The following ADGRB2 variants were observed in gnomAD, a reference collection of about 807,000 sequenced individuals.
ADGRB2 encodes adhesion G protein-coupled receptor B2.
A neutral mutation model predicts 178.7 loss-of-function variants in ADGRB2; 47 were observed. The observed-to-expected ratio is 0.26, with a 90% CI of 0.21 to 0.34. The LOEUF is 0.34. ADGRB2 is among the 10% of genes least tolerant of loss of function. The pLI, the probability that ADGRB2 is intolerant of heterozygous loss-of-function variation, is 1.00. For missense variants in ADGRB2, 1,584 were observed against 2,180.8 expected, an observed-to-expected ratio of 0.73 and a Z score of 5.45; for synonymous variants, 870 against 912.4, an observed-to-expected ratio of 0.95 and a Z score of 0.84.
At chr1:31,742,524 T>C (rs548101406) in intron 7 of ADGRB2, among the ~76,000 whole-genome samples, 1 of 152,310 alleles carries the variant, frequency 6.6e-6, no homozygotes, top group African/African-American at 2.4e-5. Flanking sequence ...TGCCAGCACT[T>C]CAGCCCAGCT....
chr1:31,738,524 C>T (rs1158985716), intron 17 of ADGRB2, 63 bp downstream of exon 17: 2 of 1,562,748 alleles, frequency 1.3e-6, no homozygotes, highest in Admixed American at 1.9e-5. Flanking sequence ...GGCAGGAGAC[C>T]CCTTTCTGGC....
chr1:31,736,040 G>A (rs1254794610), intron 22 of ADGRB2, 147 bp from the exon 23 acceptor site: 19 of 937,320 alleles, frequency 2.0e-5, no homozygotes, highest in Non-Finnish European at 2.5e-5. Context: ...ACTGGCTCCT[G>A]CTGAGCCTCG....
chr1:31,745,798 TTCCTGCCCCC>T (rs1362858730), intron 4 of ADGRB2, among the ~76,000 whole-genome samples: 1 of 152,214 alleles, frequency 6.6e-6, no homozygotes, highest in Non-Finnish European at 1.5e-5. Flanking sequence ...GGGCTGCCTC[TTCCTGCCCCC>T]TGCTGCCCAG....
chr1:31,732,635 G>C (rs1354487000), intron 26 of ADGRB2, 23 bp from the exon 27 acceptor site: 1 of 1,611,518 alleles, frequency 6.2e-7, no homozygotes, highest in Non-Finnish European at 8.5e-7. Flanking sequence ...GGCGCCTGCT[G>C]GGCCTGAGGC....
rs1037413142 is a variant in ADGRB2 at position 31,757,316 on chromosome 1, T to C, written c.-60-35A>G. The C allele has an allele frequency of 7.9e-6, 12 of 1,514,936 alleles. 1 individual carries two copies. Among genetic ancestry groups the C allele is most frequent in the Non-Finnish European group, 1.1e-5 (12 of 1,093,688 alleles). The allele number at this position is 1,514,936 out of a possible 1,614,324, so 93.8% of individuals were successfully genotyped here. On this transcript the variant is annotated intron_variant, in intron 2 of 32. Coordinates refer to ENST00000373658, the MANE Select transcript of ADGRB2 (RefSeq NM_001364857.2). ...TTGTCAAAGTGGTGATGTTTGACTA[T>C]GATTTGCTTTTTTATAAATTAGAGC...
In ADGRB2 at chr1:31,733,522, T is replaced by C. The variant is rs1645407453; in HGVS notation, c.3453-379A>G. Among the ~76,000 whole-genome samples, 1 of 151,948 alleles carries C rather than the reference T, an allele frequency of 6.6e-6. No homozygotes were observed. Among genetic ancestry groups the C allele is most frequent in the Admixed American group, 6.5e-5 (1 of 15,274 alleles). On this transcript the variant is annotated intron_variant, in intron 25 of 32. Transcript: ENST00000373658. The surrounding 1 kb of genome is among the most constrained non-coding windows in gnomAD (Gnocchi z 4.3). The stretch of plus-strand genomic sequence containing the variant: ...CGGGACGGCATCCCCAGAGCCTAAC[T>C]GGGTAGGCTGGGGAGGGGGACTGGA...
chr1:31,757,392 G>T lies in ADGRB2; in HGVS notation c.-71C>A. 2 of 880,886 alleles carry T rather than the reference G, an allele frequency of 2.3e-6. No homozygotes were observed. The highest frequency in any genetic ancestry group is 1.8e-6 in the Non-Finnish European group (1 of 550,922). The allele number at this position is 880,886 out of a possible 1,614,324, so 54.6% of individuals were successfully genotyped here. A position where few individuals can be genotyped will look rare whatever the true frequency, so the allele number is the denominator to read the frequency against. Reference sequence around the variant, plus strand: ...GTCATTCTCACTCACTTGCTTTACTGAGAGGGAGAGAAAGGGGCGGAGTTA... The same window carrying T: ...GTCATTCTCACTCACTTGCTTTACTTAGAGGGAGAGAAAGGGGCGGAGTTA... On this transcript the variant is annotated 5_prime_UTR_variant, in exon 2 of 33. Coordinates refer to ENST00000373658, the MANE Select transcript of ADGRB2 (RefSeq NM_001364857.2).
chr1:31,738,659 T>C (rs1278897897), intron 16 of ADGRB2, 29 bp from the exon 17 acceptor site: 1 of 1,612,234 alleles, frequency 6.2e-7, no homozygotes, highest in African/African-American at 1.3e-5. Flanking sequence ...GAGTGCAGTC[T>C]AGGGAGGGAA....
rs1420270980 is a variant in ADGRB2, at chr1:31,756,301, G to T, written c.536C>A (p.Ala179Asp). ...GAGCAAGACCTCGACAAAGCGGAAGGCTAGGGCAGCGGGCGCCAGCAGGCG... is the reference window on the plus strand; with the variant it reads ...GAGCAAGACCTCGACAAAGCGGAAGTCTAGGGCAGCGGGCGCCAGCAGGCG... ...APRLLAPAAL[A>D]FRFVEVLLIN... The change falls in exon 4 of 33, where the codon GCC becomes GAC. Residue 179 changes from alanine (A) to aspartate (D), a missense_variant. Transcript: ENST00000373658. The surrounding 1 kb of genome is among the most constrained non-coding windows in gnomAD (Gnocchi z 8.5). 6.2e-7 allele frequency: 1 copy of T among 1,613,026 alleles called. No homozygotes were observed. Among genetic ancestry groups the T allele is most frequent in the Non-Finnish European group, 8.5e-7 (1 of 1,179,960 alleles).
In ADGRB2 at chr1:31,744,722, G is replaced by C. The variant is rs767003239; in HGVS notation, c.848C>G (p.Pro283Arg). 2 of 1,614,170 alleles carry C rather than the reference G, an allele frequency of 1.2e-6. No homozygotes were observed. The highest frequency in any genetic ancestry group is 8.5e-7 in the Non-Finnish European group (1 of 1,180,020). Residue 283 changes from proline to arginine, a missense_variant, in exon 5 of 33, where the codon CCG (proline) becomes CGG (arginine). By Grantham distance (103) the Pro-to-Arg change is moderately radical. Around this residue, in one of 3 missense-constraint regions of ADGRB2, gnomAD observed 657 missense variants for 847.6 expected, o/e 0.78. Transcript: ENST00000373658. The surrounding 1 kb of genome is among the most constrained non-coding windows in gnomAD (Gnocchi z 6.7). ...FTTEMRYGEE[P>R]EEEPKVKTQW... ...GGTTTTCACTTTCGGTTCCTCTTCC[G>C]GCTCCTCACCTGGAACACGGAGGTG...
Position 31,727,148 on chromosome 1 carries a change from T to G in ADGRB2, c.*272A>C. The G allele has an allele frequency of 2.4e-6, 1 of 412,514 alleles. No individual in the cohort carries two copies. The highest frequency in any genetic ancestry group is 2.1e-5 in the African/African-American group (1 of 47,298). 25.6% of individuals were successfully genotyped at this position (412,514 alleles called of 1,614,324 possible). A position where few individuals can be genotyped will look rare whatever the true frequency, so the allele number is the denominator to read the frequency against. On this transcript the variant is annotated 3_prime_UTR_variant, in exon 33 of 33. Coordinates refer to ENST00000373658, the MANE Select transcript of ADGRB2 (RefSeq NM_001364857.2). This position sits in a 1 kb window ranked among gnomAD's most constrained non-coding sequence, Gnocchi z 4.4. Reference sequence around the variant, plus strand: ...GAGTGAAGTTTATTCCCAACAAAGTTCCCCTCCCCCCTCCCCAGCCCGGGA... The same window carrying G: ...GAGTGAAGTTTATTCCCAACAAAGTGCCCCTCCCCCCTCCCCAGCCCGGGA...
At chr1:31,729,800 C>T (rs1467915760) in intron 29 of ADGRB2, among the ~76,000 whole-genome samples, 2 of 152,270 alleles carry the variant, frequency 1.3e-5, no homozygotes, top group African/African-American at 4.8e-5. Flanking sequence ...CAGAACAAAA[C>T]CCGCCATGAC....
rs1646780136 is a variant in ADGRB2 at position 31,755,365 on chromosome 1, C to T, written c.838+634G>A. Among the ~76,000 whole-genome samples, 1 of 152,150 alleles carries T rather than the reference C, an allele frequency of 6.6e-6. No individual in the cohort carries two copies. Among genetic ancestry groups the T allele is most frequent in the African/African-American group, 2.4e-5 (1 of 41,436 alleles). On this transcript the variant is annotated intron_variant, in intron 4 of 32. Coordinates refer to ENST00000373658, the MANE Select transcript of ADGRB2 (RefSeq NM_001364857.2). This position sits in a 1 kb window ranked among gnomAD's most constrained non-coding sequence, Gnocchi z 5.1. ...AGCTCTAGCAGCTGGCGGCCTCGGT[C>T]CCAGAAGACATGGGTCCTGAGGGGG...
At position 31,732,970 on chromosome 1, in the gene ADGRB2, A is replaced by G; in HGVS notation, c.3624+2T>C. On this transcript the variant is annotated splice_donor_variant, in intron 26 of 32. Transcript: ENST00000373658. LOFTEE classifies it high-confidence loss of function. ...ACACAGGCGGGAGAGGCCCAGCCCCACCTCTCGGCGCAGGAAGCAGTGCAC... is the reference window on the plus strand; with the variant it reads ...ACACAGGCGGGAGAGGCCCAGCCCCGCCTCTCGGCGCAGGAAGCAGTGCAC... The G allele has an allele frequency of 6.4e-7, 1 of 1,552,000 alleles. No homozygotes were observed. The highest frequency in any genetic ancestry group is 8.7e-7 in the Non-Finnish European group (1 of 1,147,900).
Position 31,756,771 on chromosome 1 carries a change from A to T in ADGRB2, c.66T>A (p.Ser22=). 6.6e-7 allele frequency: 1 copy of T among 1,520,738 alleles called. No homozygotes were observed. The highest frequency in any genetic ancestry group is 8.8e-7 in the Non-Finnish European group (1 of 1,132,420). The allele number at this position is 1,520,738 out of a possible 1,614,324, so 94.2% of individuals were successfully genotyped here. A position where few individuals can be genotyped will look rare whatever the true frequency, so the allele number is the denominator to read the frequency against. The change falls in exon 4 of 33, where the codon TCT becomes TCA. Residue 22 remains serine (S), a synonymous_variant. Transcript: ENST00000373658. The surrounding 1 kb of genome is among the most constrained non-coding windows in gnomAD (Gnocchi z 8.5). Reference sequence around the variant, plus strand: ...TGGCCAGGCGCAGGGACAGAATCACAGACAGTAAGAGGGGACAGGCTGGGG... The same window carrying T: ...TGGCCAGGCGCAGGGACAGAATCACTGACAGTAAGAGGGGACAGGCTGGGG... ...RMTPACPLLL[S]VILSLRLATA... is the part of the protein sequence containing the mutation.
rs749541284 is a variant in ADGRB2 at position 31,756,084 on chromosome 1, C to T, written c.753G>A (p.Leu251=). 3.7e-6 allele frequency: 6 copies of T among 1,613,894 alleles called. No individual in the cohort carries two copies. In the African/African-American group the frequency reaches 4.0e-5, roughly 11 times the overall value. Residue 251 remains leucine (L), a synonymous_variant, in exon 4 of 33, where the codon CTG becomes CTA. Transcript: ENST00000373658. This position sits in a 1 kb window ranked among gnomAD's most constrained non-coding sequence, Gnocchi z 8.5. ...PPAAHTLSNA[L]VPGGPAPPAE... Reference sequence around the variant, plus strand: ...CAGGTGGGGCTGGGCCCCCGGGCACCAGGGCATTGGACAGGGTGTGGGCAG... The same window carrying T: ...CAGGTGGGGCTGGGCCCCCGGGCACTAGGGCATTGGACAGGGTGTGGGCAG...
rs190025210 is a variant in ADGRB2, at chr1:31,744,597, C to T, written c.922+51G>A. 1,373 of 1,588,740 alleles carry T rather than the reference C, an allele frequency of 8.6e-4. 15 individuals carry two copies. In the Admixed American group the frequency reaches 0.021, roughly 24 times the overall value. ...CACACCAAGCACACACACCACCAGA[C>T]GCACACAGTCGGGCCCCCGCCGCAG... On this transcript the variant is annotated intron_variant, in intron 5 of 32. Transcript: ENST00000373658. The surrounding 1 kb of genome is among the most constrained non-coding windows in gnomAD (Gnocchi z 6.7).
At chr1:31,742,769 C>T (rs1327746299) in intron 7 of ADGRB2, 69 bp downstream of exon 7, 4 of 1,367,474 alleles carry the variant, frequency 2.9e-6, no homozygotes, top group African/African-American at 1.5e-5. Context: ...ACCTGACTGC[C>T]TCCCCAGGTC....
In ADGRB2 at chr1:31,727,597, G is replaced by T; in HGVS notation, c.4581C>A (p.Pro1527=). The change falls in exon 33 of 33, where the codon CCC becomes CCA. Residue 1527 remains proline (P), a synonymous_variant. Coordinates refer to ENST00000373658, the MANE Select transcript of ADGRB2 (RefSeq NM_001364857.2). This position sits in a 1 kb window ranked among gnomAD's most constrained non-coding sequence, Gnocchi z 4.4. The part of the protein sequence containing the change: ...AAERSVCTDK[P]SPGERPSLSQ... The stretch of plus-strand genomic sequence containing the variant: ...ACAAGCTGGGGCGCTCCCCAGGGCT[G>T]GGCTTATCCTGTGGAGGGAGCGGGA... 6.5e-7 allele frequency: 1 copy of T among 1,534,512 alleles called. No homozygotes were observed. Among genetic ancestry groups the T allele is most frequent in the East Asian group, 2.3e-5 (1 of 42,622 alleles).
Sources: allele counts gnomAD v4.1 joint callset (sites outside exome capture counted in the v4.1 genomes callset), GRCh38; gene constraint gnomAD v4.1.1; regional missense constraint gnomAD v4.1.1; non-coding constraint Gnocchi (gnomAD v3.1); transcripts MANE v1.5; gene names NCBI Gene and HGNC (gene_info 2026-07-23, HGNC 2026-07-21).